The following NOCT variants were observed in gnomAD, a reference collection of about 807,000 sequenced individuals.
NOCT encodes the protein nocturnin, also known as CCR4 carbon catabolite repression 4-like.
A neutral mutation model predicts 35.0 loss-of-function variants in NOCT; 18 were observed. That is an observed-to-expected ratio of 0.51 (90% CI 0.36 to 0.76). The LOEUF (loss-of-function observed/expected upper bound fraction) is 0.76, where lower values mean the gene tolerates loss of function less well. Among genes scored for constraint, NOCT ranks in the 30% least tolerant of loss-of-function variants. NOCT has a pLI of 0.01. For synonymous variants in NOCT, 235 were observed against 226.3 expected (o/e 1.04, Z -0.34); for missense variants, 479 against 541.0 (o/e 0.89, Z 1.14).
At position 139,044,846 on chromosome 4, in the gene NOCT, C is replaced by T. The variant is rs757537642; in HGVS notation, c.668C>T (p.Pro223Leu). ...QGTFFPKPWS[P>L]CLDVEHNNGP... ...ACGTTTTTCCCCAAACCCTGGTCACCTTGTCTAGATGTAGAACACAACAAT... is the reference window on the plus strand; with the variant it reads ...ACGTTTTTCCCCAAACCCTGGTCACTTTGTCTAGATGTAGAACACAACAAT... The change falls in exon 3 of 3, where the codon CCT (proline) becomes CTT (leucine). Residue 223 changes from proline (P) to leucine (L), a missense_variant. By Grantham distance (98) the Pro-to-Leu change is moderately conservative. This residue lies in a region of NOCT where 214 missense variants were observed against 284.0 expected (regional missense o/e 0.75). Transcript: ENST00000280614. 2 of 1,614,160 alleles carry T rather than the reference C, an allele frequency of 1.2e-6. No individual in the cohort carries two copies. The highest frequency in any genetic ancestry group is 1.7e-6 in the Non-Finnish European group (2 of 1,180,022).
intron 1 of NOCT, among the ~76,000 whole-genome samples, chr4:139,038,196 C>CAAATAAATCAAT (rs1726769109): frequency 1.3e-5 from 2 of 150,646 alleles, no homozygotes; most frequent in African/African-American, 5.0e-5. Flanking sequence ...GAGACTGTCT[C>CAAATAAATCAAT]AAATAAATAA....
At chr4:139,039,830 C>T (rs1262133518) in intron 1 of NOCT, among the ~76,000 whole-genome samples, 3 of 152,030 alleles carry the variant, frequency 2.0e-5, no homozygotes, top group East Asian at 1.9e-4. Context: ...CGAGTTCAAG[C>T]GATTCTCCTG....
At chr4:139,039,461 GTA>G (rs773608230) in intron 1 of NOCT, among the ~76,000 whole-genome samples, 9 of 150,662 alleles carry the variant, frequency 6.0e-5, no homozygotes, top group Non-Finnish European at 1.3e-4. Flanking sequence ...TACTTTTTAA[GTA>G]TTTTTTTTTA....
At chr4:139,027,275 C>G (rs1181003660) in intron 1 of NOCT, among the ~76,000 whole-genome samples, 1 of 149,838 alleles carries the variant, frequency 6.7e-6, no homozygotes, top group Non-Finnish European at 1.5e-5. Flanking sequence ...CCTGGGCTCA[C>G]GCAATCCTCC....
At chr4:139,030,561 A>G (rs1348730938) in intron 1 of NOCT, among the ~76,000 whole-genome samples, 1 of 152,212 alleles carries the variant, frequency 6.6e-6, no homozygotes, top group African/African-American at 2.4e-5. Flanking sequence ...GGCCAGGTAT[A>G]AGAAAAGGAG....
At chr4:139,019,540 G>A (rs1397250483) in intron 1 of NOCT, among the ~76,000 whole-genome samples, 1 of 152,172 alleles carries the variant, frequency 6.6e-6, no homozygotes, top group Non-Finnish European at 1.5e-5. Flanking sequence ...ACATTGAAGG[G>A]GCCAAAAGCT....
chr4:139,027,030 C>T lies in NOCT; in HGVS notation c.190+10859C>T, dbSNP rs1326348956. Among the ~76,000 whole-genome samples, 2 of 9,254 alleles carry T rather than the reference C, an allele frequency of 2.2e-4. 1 individual carries two copies. Among genetic ancestry groups the T allele is most frequent in the African/African-American group, 3.0e-4 (2 of 6,578 alleles). The allele number at this position is 9,254 out of a possible 152,430, so 6.1% of individuals were successfully genotyped here. On this transcript the variant is annotated intron_variant, in intron 1 of 2. Coordinates refer to ENST00000280614, the MANE Select transcript of NOCT (RefSeq NM_012118.4). ...AGCTGGGACTACAGGCGCCCGCTAC[C>T]ACGCCCGGCTAATTTTTTGTATTTT... is the stretch of plus-strand genomic sequence containing the variant.
intron 1 of NOCT, among the ~76,000 whole-genome samples, chr4:139,016,758 A>T (rs1486156200): frequency 7.3e-6 from 1 of 136,996 alleles, no homozygotes; most frequent in African/African-American, 2.8e-5. Flanking sequence ...GGTTCAAGCG[A>T]TTCTCCTGCC....
chr4:139,021,070 CAAAA>C (rs942925444), intron 1 of NOCT, among the ~76,000 whole-genome samples: 3 of 55,638 alleles, frequency 5.4e-5, no homozygotes, highest in Admixed American at 3.9e-4. Context: ...TACTCTGTCT[CAAAA>C]AAAAAAAAAA....
intron 1 of NOCT, among the ~76,000 whole-genome samples, chr4:139,042,212 C>T (rs531652200): frequency 1.8e-4 from 28 of 151,410 alleles, no homozygotes; most frequent in East Asian, 3.9e-4. Flanking sequence ...GGATTACAGG[C>T]GCACACCACC....
chr4:139,042,914 C>CA (rs375909985), intron 1 of NOCT, among the ~76,000 whole-genome samples, 160 bp from the exon 2 acceptor site: 1,721 of 81,586 alleles, frequency 0.021, 30 homozygotes, highest in East Asian at 0.12. Context: ...AACTCCATCT[C>CA]AAAAAAAAAA....
At chr4:139,022,909 G>T (rs1360681367) in intron 1 of NOCT, among the ~76,000 whole-genome samples, 1 of 152,050 alleles carries the variant, frequency 6.6e-6, no homozygotes, top group Non-Finnish European at 1.5e-5. Context: ...GACCAGCCTG[G>T]GCAGCATGGC....
At chr4:139,018,408 C>T (rs540528820) in intron 1 of NOCT, among the ~76,000 whole-genome samples, 190 of 152,238 alleles carry the variant, frequency 1.2e-3, no homozygotes, top group African/African-American at 4.5e-3. Context: ...GAATGTTGGG[C>T]TTTTGACCCA....
intron 1 of NOCT, among the ~76,000 whole-genome samples, chr4:139,029,859 T>TGC (rs1560731386): frequency 6.6e-6 from 1 of 152,166 alleles, no homozygotes; most frequent in Admixed American, 6.6e-5. Context: ...AGCTGATGGG[T>TGC]GCGCACACCA....
intron 1 of NOCT, among the ~76,000 whole-genome samples, chr4:139,023,715 C>T (rs1021682514): frequency 5.9e-5 from 9 of 152,096 alleles, no homozygotes; most frequent in African/African-American, 2.2e-4. Context: ...TCAGGCTGTT[C>T]TCGAACTCCT....
chr4:139,036,936 G>C (rs915084862), intron 1 of NOCT, among the ~76,000 whole-genome samples: 21 of 152,282 alleles, frequency 1.4e-4, no homozygotes, highest in Middle Eastern at 6.8e-3. Flanking sequence ...CCTGGCACAG[G>C]GGAGTCCATC....
intron 2 of NOCT, 69 bp downstream of exon 2, chr4:139,043,412 A>C: frequency 6.9e-7 from 1 of 1,448,308 alleles, no homozygotes; most frequent in Non-Finnish European, 9.6e-7. Context: ...CTGCACATCC[A>C]CAGTGCACTG....
intron 1 of NOCT, among the ~76,000 whole-genome samples, chr4:139,023,955 G>A (rs557158904): frequency 1.6e-4 from 24 of 151,782 alleles, no homozygotes; most frequent in Non-Finnish European, 2.9e-4. Flanking sequence ...AGTTTGTATC[G>A]GTTGTCTACT....
chr4:139,030,440 G>A (rs911074217), intron 1 of NOCT, among the ~76,000 whole-genome samples: 1 of 152,106 alleles, frequency 6.6e-6, no homozygotes, highest in African/African-American at 2.4e-5. Context: ...GATCCTGGGG[G>A]AAATGGTAAA....
Sources: allele counts gnomAD v4.1 joint callset (sites outside exome capture counted in the v4.1 genomes callset), GRCh38; gene constraint gnomAD v4.1.1; regional missense constraint gnomAD v4.1.1; transcripts MANE v1.5; gene names NCBI Gene and HGNC (gene_info 2026-07-23, HGNC 2026-07-21).